Variants in RIF1 observed in about 807,000 individuals in gnomAD.
RIF1 encodes the protein replication timing regulatory factor 1.
In RIF1, 45 loss-of-function variants were observed where a neutral mutation model predicts 247.1. That is an observed-to-expected ratio of 0.18 (90% CI 0.14 to 0.23). The LOEUF is 0.23. Among genes scored for constraint, RIF1 ranks in the 10% least tolerant of loss-of-function variants. The probability of loss-of-function intolerance (pLI) is 1.00; values close to 1 mark genes in which losing one functional copy is unlikely to be tolerated. For missense variants in RIF1, 2,967 were observed against 2,862.5 expected, an observed-to-expected ratio of 1.04 and a Z score of -0.83; for synonymous variants, 1,087 against 978.8, an observed-to-expected ratio of 1.11 and a Z score of -2.06.
chr2:151,524,510 C>T, the RIF1 span: 4 of 1,613,880 alleles, frequency 2.5e-6, no homozygotes, highest in East Asian at 8.9e-5. Flanking sequence ...TCATGACACC[C>T]TTACCTCACT....
At chr2:151,529,391 A>C in the RIF1 span, 1 of 941,428 alleles carries the variant, frequency 1.1e-6, no homozygotes. Context: ...AAGAAATTAA[A>C]TCCATGCATG....
chr2:151,527,885 CT>C, the RIF1 span, among the ~76,000 whole-genome samples: 1 of 152,162 alleles, frequency 6.6e-6, no homozygotes, highest in African/African-American at 2.4e-5. Flanking sequence ...GAATCGAGTA[CT>C]TTTAATTTCA....
chr2:151,493,828 G>A (rs1257342849), intron 9 of RIF1: 1 of 1,586,910 alleles, frequency 6.3e-7, no homozygotes, highest in Non-Finnish European at 8.6e-7. Flanking sequence ...GGAGTAAAGG[G>A]TGTGGGGGTT....
intron 33 of RIF1, 117 bp from the exon 34 acceptor site, chr2:151,469,594 G>A: frequency 1.4e-6 from 1 of 729,686 alleles, no homozygotes; most frequent in African/African-American, 1.8e-5. Context: ...TGTCTTCACT[G>A]TGGGCTAACC....
At chr2:151,486,006 G>T, downstream of RIF1, 1 of 1,463,354 alleles carries the variant, frequency 6.8e-7, no homozygotes, top group Middle Eastern at 1.7e-4. Context: ...CTATTTGTAA[G>T]ATCTCTCATG....
intron 10 of RIF1, chr2:151,497,003 T>G (rs1175945593): frequency 1.3e-6 from 2 of 1,576,118 alleles, no homozygotes; most frequent in South Asian, 1.2e-5. Flanking sequence ...GGTAGAGGGG[T>G]TCCCTTGCCC....
downstream of RIF1, among the ~76,000 whole-genome samples, chr2:151,482,665 A>G (rs2049216447): frequency 6.6e-6 from 1 of 152,208 alleles, no homozygotes; most frequent in Admixed American, 6.5e-5. Flanking sequence ...AGTTTTAAGG[A>G]AAACAACAAC....
chr2:151,531,360 A>C, the RIF1 span, among the ~76,000 whole-genome samples: 1,403 of 117,356 alleles, frequency 0.012, 32 homozygotes, highest in African/African-American at 0.045. Flanking sequence ...TTTGCCACCC[A>C]GGCTGGAGTG....
At position 151,433,214 on chromosome 2, in the gene RIF1, G is replaced by C; in HGVS notation, c.1063G>C (p.Ala355Pro). 2 of 1,611,988 alleles carry C rather than the reference G, an allele frequency of 1.2e-6. No individual in the cohort carries two copies. Among genetic ancestry groups the C allele is most frequent in the Non-Finnish European group, 1.7e-6 (2 of 1,178,718 alleles). ...GATGAGACTTGGACCTCATCTTCCT[G>C]CTAATTTTGAACAGGTAACATTACA... ...LLMRLGPHLP[A>P]NFEQVCVPLI... The change falls in exon 10 of 36, where the codon GCT (alanine) becomes CCT (proline). Residue 355 changes from alanine to proline, a missense_variant. Around this residue, in one of 7 missense-constraint regions of RIF1, gnomAD observed 71 missense variants for 132.9 expected, o/e 0.53. Transcript: ENST00000444746.
At chr2:151,447,081 C>T (rs1490278464) in intron 20 of RIF1, among the ~76,000 whole-genome samples, 1 of 151,676 alleles carries the variant, frequency 6.6e-6, no homozygotes, top group Non-Finnish European at 1.5e-5. Context: ...GTAGCTGGGA[C>T]CACAGGCGCC....
At chr2:151,493,664 T>G (rs539588988) in intron 9 of RIF1, 23 of 935,710 alleles carry the variant, frequency 2.5e-5, no homozygotes, top group Non-Finnish European at 3.3e-5. Flanking sequence ...CAAGGAAGAA[T>G]TTTTAAAGAT....
Position 151,419,331 on chromosome 2 carries a change from T to C in RIF1, c.504-859T>C, listed in dbSNP as rs1687772838. Among the ~76,000 whole-genome samples, 3 of 152,136 alleles carry C rather than the reference T, an allele frequency of 2.0e-5. No individual in the cohort carries two copies. In the East Asian group the frequency reaches 5.8e-4, roughly 29 times the overall value. On this transcript the variant is annotated intron_variant, in intron 6 of 35. Transcript: ENST00000444746. ...TAGTCATTTATTTTTTGTTTTTTTA[T>C]TACTATTTTTTTTGAGACGGAATCT...
the RIF1 span, chr2:151,524,480 G>T: frequency 1.4e-5 from 23 of 1,612,920 alleles, no homozygotes; most frequent in South Asian, 2.3e-4. Context: ...GGCAATGGCT[G>T]TTGGGGACTG....
the RIF1 span, chr2:151,518,499 C>T: frequency 7.0e-6 from 6 of 862,852 alleles, no homozygotes; most frequent in East Asian, 4.8e-5. Flanking sequence ...TTAGATTAGA[C>T]GTTTACACAG....
chr2:151,518,834 A>G, the RIF1 span: 1 of 636,340 alleles, frequency 1.6e-6, no homozygotes, highest in Non-Finnish European at 2.8e-6. Flanking sequence ...GGAAGAATAC[A>G]CTCAAATGAG....
At chr2:151,530,040 G>A in the RIF1 span, among the ~76,000 whole-genome samples, 328 of 152,120 alleles carry the variant, frequency 2.2e-3, 2 homozygotes, top group East Asian at 0.012. Context: ...TTATCATATC[G>A]TGTTATAATT....
rs749308631 is a variant in RIF1, at chr2:151,443,680, G to A, written c.1957G>A (p.Val653Ile). The change falls in exon 18 of 36, where the codon GTC becomes ATC. Residue 653 changes from valine to isoleucine, a missense_variant. This residue lies in a region of RIF1 where 76 missense variants were observed against 113.3 expected (regional missense o/e 0.67). Transcript: ENST00000444746. ...EHLWKMWSVIVTPLTELINQT... is the reference protein window; with the variant it reads ...EHLWKMWSVIITPLTELINQT... ...TCTCTGGAAAATGTGGAGTGTTATA[G>A]TCACCCCATTAACTGAATTGATTAA... 2 of 1,602,562 alleles carry A rather than the reference G, an allele frequency of 1.2e-6. No homozygotes were observed. The highest frequency in any genetic ancestry group is 1.7e-6 in the Non-Finnish European group (2 of 1,176,770).
In RIF1 at chr2:151,468,535, G is replaced by A; in HGVS notation, c.6809G>A (p.Ser2270Asn). The change falls in exon 32 of 36, where the codon AGC (serine) becomes AAC (asparagine). Residue 2270 changes from serine (S) to asparagine (N), a missense_variant. Physicochemically the swap from Ser to Asn is conservative, Grantham distance 46. This residue lies in a region of RIF1 where 2,028 missense variants were observed against 1,825.6 expected (regional missense o/e 1.11). Transcript: ENST00000444746. ...GGATCACGTAGCCCTAAATTTAAGA[G>A]CTCAAAGAAGTGTTTAGTAAGAAGT... Reference protein sequence around the residue: ...SPGSRSPKFKSSKKCLISEMA... With the variant: ...SPGSRSPKFKNSKKCLISEMA... The A allele has an allele frequency of 6.2e-7, 1 of 1,613,188 alleles. No individual in the cohort carries two copies. Among genetic ancestry groups the A allele is most frequent in the South Asian group, 1.1e-5 (1 of 91,050 alleles).
intron 14 of RIF1, 131 bp downstream of exon 14, chr2:151,438,877 T>C: frequency 1.7e-6 from 1 of 589,508 alleles, no homozygotes. Flanking sequence ...TACCGTAGCT[T>C]CCAGTTTTTA....
Sources: allele counts gnomAD v4.1 joint callset (sites outside exome capture counted in the v4.1 genomes callset), GRCh38; gene constraint gnomAD v4.1.1; regional missense constraint gnomAD v4.1.1; transcripts MANE v1.5; gene names NCBI Gene and HGNC (gene_info 2026-07-23, HGNC 2026-07-21).